UBE2K: variants seen among roughly 807,000 people sequenced by gnomAD.
UBE2K encodes ubiquitin-conjugating enzyme E2 K.
Under a neutral mutation model 30.0 loss-of-function variants are expected in UBE2K, and 6 were observed. The ratio of observed to expected loss-of-function variants is 0.20; its 90% CI spans 0.11 to 0.39. UBE2K has a LOEUF of 0.39. Ranked by LOEUF, UBE2K falls within the 10% of genes least tolerant of loss-of-function variation. The pLI is 1.00. For synonymous variants in UBE2K, 86 were observed against 83.7 expected, an observed-to-expected ratio of 1.03 and a Z score of -0.15; for missense variants, 61 against 241.6, an observed-to-expected ratio of 0.25 and a Z score of 4.96.
chr4:39,766,378 AT>A (rs1233618902), intron 4 of UBE2K, among the ~76,000 whole-genome samples: 1 of 151,884 alleles, frequency 6.6e-6, no homozygotes, highest in African/African-American at 2.4e-5. Flanking sequence ...TTCCCTAATG[AT>A]TAGTGGTGTT....
At position 39,752,231 on chromosome 4, in the gene UBE2K, G is replaced by A. The variant is rs116420785; in HGVS notation, c.217-3426G>A. Among the ~76,000 whole-genome samples, 1,040 of 150,134 alleles carry A rather than the reference G, an allele frequency of 6.9e-3. 12 individuals are homozygous for A. The highest frequency in any genetic ancestry group is 0.024 in the African/African-American group (982 of 40,852). Reference sequence around the variant, plus strand: ...CACTGCAAGCTCCATCTCCCTTTACGCCATTCTCCTGCCTCAGCCATCCGA... The same window carrying A: ...CACTGCAAGCTCCATCTCCCTTTACACCATTCTCCTGCCTCAGCCATCCGA... On this transcript the variant is annotated intron_variant, in intron 3 of 6. Coordinates refer to ENST00000261427, the MANE Select transcript of UBE2K (RefSeq NM_005339.5).
chr4:39,742,820 C>A (rs1468345323), intron 2 of UBE2K, among the ~76,000 whole-genome samples: 1 of 151,894 alleles, frequency 6.6e-6, no homozygotes, highest in African/African-American at 2.4e-5. Flanking sequence ...CTGAGGCAGG[C>A]GGATCACCTG....
In UBE2K at chr4:39,714,518, A is replaced by ATC. The variant is rs1491343777; in HGVS notation, c.63+16129_63+16130insCT. 9.4e-3 allele frequency: 358 copies of ATC among 38,192 alleles called. 15 individuals carry two copies. The highest frequency in any genetic ancestry group is 0.043 in the African/African-American group (257 of 5,984). 2.4% of individuals were successfully genotyped at this position (38,192 alleles called of 1,614,324 possible). A position where few individuals can be genotyped will look rare whatever the true frequency, so the allele number is the denominator to read the frequency against. On this transcript the variant is annotated intron_variant, in intron 1 of 6. Coordinates refer to ENST00000261427, the MANE Select transcript of UBE2K (RefSeq NM_005339.5). ...GTCCTCCTTGTCTTTTAGAAGTTTC[A>ATC]TATATATATATATATATATATATAT...
chr4:39,782,286 GT>G lies in UBE2K; in HGVS notation c.*3854del, dbSNP rs906285771. On this transcript the variant is annotated 3_prime_UTR_variant, in exon 7 of 7. Transcript: ENST00000261427. ...TGTTAACGATCCTTGTCTGCTTGCT[GT>G]TACCTACTTTTTACAGGCATCATAA... 3.6e-6 allele frequency: 1 copy of G among 279,446 alleles called. No individual in the cohort carries two copies. The highest frequency in any genetic ancestry group is 2.2e-5 in the African/African-American group (1 of 45,954). The allele number at this position is 279,446 out of a possible 1,614,324, so 17.3% of individuals were successfully genotyped here. A position where few individuals can be genotyped will look rare whatever the true frequency, so the allele number is the denominator to read the frequency against.
chr4:39,719,931 G>A (rs1241165657), intron 1 of UBE2K, among the ~76,000 whole-genome samples: 1 of 152,172 alleles, frequency 6.6e-6, no homozygotes, highest in Non-Finnish European at 1.5e-5. Flanking sequence ...TGGTCATTGA[G>A]TGTTGGATGA....
In UBE2K at chr4:39,706,451, C is replaced by A. The variant is rs956087798; in HGVS notation, c.63+8061C>A. 7.3e-5 allele frequency among the ~76,000 whole-genome samples: 11 copies of A among 150,946 alleles called. 1 individual carries two copies. Among genetic ancestry groups the A allele is most frequent in the Non-Finnish European group, 1.5e-4 (10 of 67,716 alleles). On this transcript the variant is annotated intron_variant, in intron 1 of 6. Transcript: ENST00000261427. The stretch of plus-strand genomic sequence containing the variant: ...AGTGCTTGGCTTAAATGGTGAGCCA[C>A]CATGCCTGGCATGCCTGGACTTTTT...
rs1325268726 is a variant in UBE2K, at chr4:39,770,182, T to C, written c.300-4652T>C. On this transcript the variant is annotated intron_variant, in intron 4 of 6. Transcript: ENST00000261427. Reference sequence around the variant, plus strand: ...TTGAGATGCCGCCTAATGGCAGGCTTGTGGGCGAAGCGCATGTCGCAGTAG... The same window carrying C: ...TTGAGATGCCGCCTAATGGCAGGCTCGTGGGCGAAGCGCATGTCGCAGTAG... 9 of 1,609,052 alleles carry C rather than the reference T, an allele frequency of 5.6e-6. No individual in the cohort carries two copies. The Admixed American group carries it at 1.5e-4, about 27-fold the overall frequency.
At chr4:39,728,835 T>TG (rs1231667672) in intron 1 of UBE2K, among the ~76,000 whole-genome samples, 2 of 150,060 alleles carry the variant, frequency 1.3e-5, no homozygotes, top group East Asian at 2.0e-4. Flanking sequence ...TTGTTTTTTT[T>TG]TTTTTGTATT....
intron 4 of UBE2K, among the ~76,000 whole-genome samples, chr4:39,772,075 G>C (rs1712919034): frequency 6.6e-6 from 1 of 152,152 alleles, no homozygotes; most frequent in Admixed American, 6.5e-5. Context: ...GGCCTCAAGT[G>C]ATCTGCCTGC....
At chr4:39,718,362 A>G (rs1023673920) in intron 1 of UBE2K, among the ~76,000 whole-genome samples, 1 of 152,136 alleles carries the variant, frequency 6.6e-6, no homozygotes, top group African/African-American at 2.4e-5. Flanking sequence ...GAGCTAGATA[A>G]AGAGTGCCGA....
chr4:39,714,283 C>A, intron 1 of UBE2K: 1 of 202,658 alleles, frequency 4.9e-6, no homozygotes, highest in South Asian at 1.0e-4. Flanking sequence ...CCAAATGAAC[C>A]TTTATGAGCT....
At chr4:39,762,615 GA>G (rs1437177980) in intron 4 of UBE2K, among the ~76,000 whole-genome samples, 1 of 152,212 alleles carries the variant, frequency 6.6e-6, no homozygotes, top group Non-Finnish European at 1.5e-5. Context: ...AAGCAACAGA[GA>G]GCAGGGAAGT....
At chr4:39,713,252 G>C (rs1397907303) in intron 1 of UBE2K, among the ~76,000 whole-genome samples, 1 of 139,398 alleles carries the variant, frequency 7.2e-6, no homozygotes, top group Non-Finnish European at 1.5e-5. Context: ...AAGAAAATTA[G>C]GTGGTTTGTA....
At chr4:39,746,776 T>A (rs1721008931) in intron 3 of UBE2K, among the ~76,000 whole-genome samples, 1 of 152,236 alleles carries the variant, frequency 6.6e-6, no homozygotes. Context: ...TAGTTTTCTA[T>A]GAGGCCCGAG....
At position 39,782,056 on chromosome 4, in the gene UBE2K, T is replaced by G. The variant is rs1560387291; in HGVS notation, c.*3622T>G. On this transcript the variant is annotated 3_prime_UTR_variant, in exon 7 of 7. Transcript: ENST00000261427. ...ATCTTGTGGCATAGGGGTAGGGGAG[T>G]GTTAGTATCTCCCTTGTCCCATTTG... 1 of 397,712 alleles carries G rather than the reference T, an allele frequency of 2.5e-6. No individual in the cohort carries two copies. The highest frequency in any genetic ancestry group is 6.3e-4 in the Middle Eastern group (1 of 1,582). The allele number at this position is 397,712 out of a possible 1,614,324, so 24.6% of individuals were successfully genotyped here.
intron 1 of UBE2K, among the ~76,000 whole-genome samples, chr4:39,736,643 T>C (rs1444333390): frequency 1.3e-5 from 2 of 152,220 alleles, no homozygotes; most frequent in Non-Finnish European, 2.9e-5. Context: ...TTATCATGGC[T>C]CTGAGAATGG....
At chr4:39,770,416 C>T (rs536713136) in intron 4 of UBE2K, 24 of 1,612,704 alleles carry the variant, frequency 1.5e-5, no homozygotes, top group Non-Finnish European at 1.9e-5. Context: ...ATGTGGAAGA[C>T]CAGCTTCTCC....
At chr4:39,768,447 CAAAAAA>C (rs35005914) in intron 4 of UBE2K, among the ~76,000 whole-genome samples, 1 of 88,144 alleles carries the variant, frequency 1.1e-5, no homozygotes, top group African/African-American at 3.7e-5. Flanking sequence ...ACTTCGTTTC[CAAAAAA>C]AAAAAAAAAA....
chr4:39,757,010 TGTTTTTTG>T (rs1721558699), intron 4 of UBE2K, among the ~76,000 whole-genome samples: 1 of 109,744 alleles, frequency 9.1e-6, no homozygotes. Flanking sequence ...GTTTTTTTTT[TGTTTTTTG>T]TTTTTTGTTT....
Sources: allele counts gnomAD v4.1 joint callset (sites outside exome capture counted in the v4.1 genomes callset), GRCh38; gene constraint gnomAD v4.1.1; transcripts MANE v1.5; gene names NCBI Gene and HGNC (gene_info 2026-07-23, HGNC 2026-07-21).